NEK6: variants seen among roughly 807,000 people sequenced by gnomAD.
NEK6 encodes NIMA related kinase 6, also known as serine/threonine-protein kinase Nek6.
A neutral mutation model predicts 43.5 loss-of-function variants in NEK6; 27 were observed. The observed-to-expected ratio is 0.62, with a 90% confidence interval of 0.46 to 0.86. The LOEUF is 0.86. Ranked by LOEUF, NEK6 falls within the 40% of genes least tolerant of loss-of-function variation. The probability of loss-of-function intolerance (pLI) is 0.00; values close to 1 mark genes in which losing one functional copy is unlikely to be tolerated. For missense variants in NEK6, 318 were observed against 414.4 expected (o/e 0.77, Z 2.02); for synonymous variants, 167 against 164.1 (o/e 1.02, Z -0.14).
intron 1 of NEK6, among the ~76,000 whole-genome samples, chr9:124,268,473 A>G (rs1033004215): frequency 1.5e-4 from 23 of 152,170 alleles, no homozygotes; most frequent in African/African-American, 5.3e-4. Flanking sequence ...TTCCCAGTGG[A>G]CATTTAACAA....
upstream of NEK6, chr9:124,257,895 G>A: frequency 1.6e-5 from 16 of 971,306 alleles, no homozygotes; most frequent in Non-Finnish European, 2.0e-5. Flanking sequence ...CGCTGGGGGC[G>A]GCGCGGCCCC....
intron 1 of NEK6, among the ~76,000 whole-genome samples, chr9:124,287,757 G>A (rs1263257527): frequency 6.6e-6 from 1 of 152,102 alleles, no homozygotes; most frequent in Non-Finnish European, 1.5e-5. Flanking sequence ...CCTGGGAGGT[G>A]GAGGTTACAG....
rs570065977 is a variant in NEK6 at position 124,275,141 on chromosome 9, A to G, written c.-30+17056A>G. ...AGCACACAGTGGGAATTCCACAGATAACAGAAGGAAGGATTGATGAAGGCT... is the reference window on the plus strand; with the variant it reads ...AGCACACAGTGGGAATTCCACAGATGACAGAAGGAAGGATTGATGAAGGCT... On this transcript the variant is annotated intron_variant, in intron 1 of 9. Transcript: ENST00000320246. The surrounding 1 kb of genome is among the most constrained non-coding windows in gnomAD (Gnocchi z 4.4). 2.6e-5 allele frequency among the ~76,000 whole-genome samples: 4 copies of G among 152,306 alleles called. No homozygotes were observed. In the East Asian group the frequency reaches 5.8e-4, roughly 22 times the overall value.
chr9:124,309,715 T>C (rs959050510), intron 2 of NEK6, among the ~76,000 whole-genome samples: 7 of 152,262 alleles, frequency 4.6e-5, no homozygotes, highest in African/African-American at 1.4e-4. Context: ...ATGGTTATTT[T>C]TATGAGTACG....
chr9:124,336,506 G>A (rs935172522), intron 7 of NEK6, among the ~76,000 whole-genome samples: 18 of 152,164 alleles, frequency 1.2e-4, no homozygotes, highest in Admixed American at 7.2e-4. Context: ...GCCTCGGCCC[G>A]GTGCCTTCTG....
At chr9:124,315,848 T>A (rs1833789806) in intron 4 of NEK6, among the ~76,000 whole-genome samples, 1 of 152,236 alleles carries the variant, frequency 6.6e-6, no homozygotes, top group Non-Finnish European at 1.5e-5. Flanking sequence ...CACCCCTCGC[T>A]CACTAGCTGT....
At chr9:124,287,891 C>T (rs1832232808) in intron 1 of NEK6, among the ~76,000 whole-genome samples, 1 of 152,208 alleles carries the variant, frequency 6.6e-6, no homozygotes, top group Admixed American at 6.5e-5. Context: ...GCCCTGTGAT[C>T]ATGAGGCACA....
intron 4 of NEK6, among the ~76,000 whole-genome samples, chr9:124,319,292 T>C (rs1174110315): frequency 1.3e-5 from 2 of 151,416 alleles, no homozygotes; most frequent in Non-Finnish European, 2.9e-5. Flanking sequence ...CCTCCTCTGC[T>C]CACTTTTTAA....
chr9:124,317,066 C>T (rs949329582), intron 4 of NEK6, among the ~76,000 whole-genome samples: 4 of 152,306 alleles, frequency 2.6e-5, no homozygotes, highest in Admixed American at 1.3e-4. Context: ...AGCTTGCCCA[C>T]GCCGTAGGTC....
rs1471736510 is a variant in NEK6 at position 124,326,201 on chromosome 9, A to G, written c.406-129A>G. On this transcript the variant is annotated intron_variant, in intron 5 of 9. Transcript: ENST00000320246. The surrounding 1 kb of genome is among the most constrained non-coding windows in gnomAD (Gnocchi z 4.5). ...GGCTTATTGTTTGCTCAGTGGCTCA[A>G]TCCCCCCCCCCCGCCCCTGCCAGGC... is the stretch of plus-strand genomic sequence containing the variant. The G allele has an allele frequency of 1.7e-4, 30 of 178,574 alleles. 1 individual carries two copies. The East Asian group carries it at 1.9e-3, about 11-fold the overall frequency. 11.1% of individuals were successfully genotyped at this position (178,574 alleles called of 1,614,324 possible).
At chr9:124,287,027 C>T (rs552640917) in intron 1 of NEK6, among the ~76,000 whole-genome samples, 13 of 152,284 alleles carry the variant, frequency 8.5e-5, no homozygotes, top group African/African-American at 2.2e-4. Flanking sequence ...TGCTGCCCCC[C>T]GGCTGTGATA....
intron 1 of NEK6, among the ~76,000 whole-genome samples, chr9:124,296,794 C>T (rs1001579661): frequency 6.6e-6 from 1 of 152,222 alleles, no homozygotes; most frequent in African/African-American, 2.4e-5. Flanking sequence ...TGAAGTGTGG[C>T]ATTTGACAGG....
In NEK6 at chr9:124,347,692, G is replaced by A. The variant is rs1175540536; in HGVS notation, c.718-17G>A. On this transcript the variant is annotated splice_polypyrimidine_tract_variant and intron_variant, in intron 8 of 9. Coordinates refer to ENST00000320246, the MANE Select transcript of NEK6 (RefSeq NM_014397.6). ...TTGAGGCCGAAAGCTTATCTTCGTTGTTCCCGTCCCTTGCAGATGGCAGCC... is the reference window on the plus strand; with the variant it reads ...TTGAGGCCGAAAGCTTATCTTCGTTATTCCCGTCCCTTGCAGATGGCAGCC... 5 of 1,520,374 alleles carry A rather than the reference G, an allele frequency of 3.3e-6. No individual in the cohort carries two copies. The African/African-American group carries it at 6.9e-5, about 21-fold the overall frequency. 94.2% of individuals were successfully genotyped at this position (1,520,374 alleles called of 1,614,324 possible). A position where few individuals can be genotyped will look rare whatever the true frequency, so the allele number is the denominator to read the frequency against.
chr9:124,282,792 C>T (rs1428049584), intron 1 of NEK6, among the ~76,000 whole-genome samples: 1 of 152,244 alleles, frequency 6.6e-6, no homozygotes, highest in African/African-American at 2.4e-5. Flanking sequence ...AGGCTTGCAG[C>T]GTTTGGTCCT....
rs1830322158 is a variant in NEK6 at position 124,352,451 on chromosome 9, G to A, written c.*1504G>A. 6 of 152,330 alleles carry A rather than the reference G, an allele frequency of 3.9e-5. No individual in the cohort carries two copies. In the South Asian group the frequency reaches 1.2e-3, roughly 32 times the overall value. The allele number at this position is 152,330 out of a possible 1,614,324, so 9.4% of individuals were successfully genotyped here. On this transcript the variant is annotated 3_prime_UTR_variant, in exon 10 of 10. Coordinates refer to ENST00000320246, the MANE Select transcript of NEK6 (RefSeq NM_014397.6). ...TCATGAAGATTTTAAAATGGCTTTG[G>A]AGATTTTGCTTTTAAACCAGTAGAT...
chr9:124,278,596 C>A (rs1342133021), intron 1 of NEK6, among the ~76,000 whole-genome samples: 6 of 152,210 alleles, frequency 3.9e-5, no homozygotes, highest in East Asian at 1.9e-4. Context: ...CACACCCCCC[C>A]ACCCCTGGCC....
At chr9:124,257,894 C>A (rs1358210200), upstream of NEK6, 4 of 964,740 alleles carry the variant, frequency 4.1e-6, no homozygotes, top group African/African-American at 3.5e-5. Flanking sequence ...GCGCTGGGGG[C>A]GGCGCGGCCC....
At chr9:124,292,534 C>T (rs1564626483) in intron 1 of NEK6, 16 of 1,536,994 alleles carry the variant, frequency 1.0e-5, no homozygotes, top group Non-Finnish European at 1.3e-5. Flanking sequence ...TCGCCTGGGA[C>T]CCAGGGTGAG....
At chr9:124,266,153 G>A (rs1831218837) in intron 1 of NEK6, among the ~76,000 whole-genome samples, 1 of 152,114 alleles carries the variant, frequency 6.6e-6, no homozygotes, top group Admixed American at 6.5e-5. Flanking sequence ...GGGGCCGGTG[G>A]GTGAGAGGTG....
Sources: gnomAD v4.1 joint callset for allele counts (sites outside exome capture counted in the v4.1 genomes callset) on GRCh38, gnomAD v4.1.1 for gene constraint, Gnocchi (gnomAD v3.1) non-coding constraint, MANE v1.5 for transcripts, NCBI Gene and HGNC (gene_info 2026-07-23, HGNC 2026-07-21) for gene names.